The following GRM1 variants were observed in gnomAD, a reference collection of about 807,000 sequenced individuals.
GRM1 encodes metabotropic glutamate receptor 1.
GRM1 carries 33 observed loss-of-function variants against 90.9 expected under a neutral mutation model. The ratio of observed to expected loss-of-function variants is 0.36; its 90% CI spans 0.28 to 0.49. The LOEUF is 0.49. GRM1 is among the 20% of genes least tolerant of loss of function. GRM1 has a pLI of 0.99. For missense variants in GRM1, 1,190 were observed against 1,534.3 expected, an observed-to-expected ratio of 0.78 and a Z score of 3.75; for synonymous variants, 700 against 613.2, an observed-to-expected ratio of 1.14 and a Z score of -2.09.
intron 1 of GRM1, among the ~76,000 whole-genome samples, chr6:146,116,410 C>T (rs1331691506): frequency 6.6e-6 from 1 of 152,168 alleles, no homozygotes; most frequent in African/African-American, 2.4e-5. Context: ...CATATTAATA[C>T]ATTTTTAATG....
intron 2 of GRM1, among the ~76,000 whole-genome samples, chr6:146,196,463 A>AT (rs772811053): frequency 0.22 from 18,700 of 86,022 alleles, 2,519 homozygotes; most frequent in African/African-American, 0.43. Flanking sequence ...AATTTTTTGT[A>AT]TTTTTTTTTT....
chr6:146,040,120 C>A (rs1257443808), intron 1 of GRM1, among the ~76,000 whole-genome samples: 1 of 151,654 alleles, frequency 6.6e-6, no homozygotes, highest in Non-Finnish European at 1.5e-5. Context: ...AAAGAGTCTA[C>A]AGAAAAGGGA....
At chr6:146,352,523 TA>T (rs1785443097) in intron 4 of GRM1, 27 bp downstream of exon 4, 1 of 1,611,256 alleles carries the variant, frequency 6.2e-7, no homozygotes, top group East Asian at 2.2e-5. Flanking sequence ...TCAATCTAAG[TA>T]ACCTTGTGAG....
chr6:146,221,440 G>T (rs1224214438), intron 2 of GRM1, among the ~76,000 whole-genome samples: 1 of 152,144 alleles, frequency 6.6e-6, no homozygotes, highest in East Asian at 1.9e-4. Flanking sequence ...GTGAGAACAT[G>T]CAGTCTTTGG....
chr6:146,304,941 A>G (rs1254374283), intron 3 of GRM1, 95 bp downstream of exon 3: 1 of 864,356 alleles, frequency 1.2e-6, no homozygotes. Context: ...TGCCAGGGCT[A>G]GAGATCCAAA....
chr6:146,079,360 G>A (rs73578811), intron 1 of GRM1, among the ~76,000 whole-genome samples: 1 of 152,120 alleles, frequency 6.6e-6, no homozygotes, highest in Non-Finnish European at 1.5e-5. Flanking sequence ...GGATAAGAAG[G>A]CCATCTCCAT....
intron 1 of GRM1, among the ~76,000 whole-genome samples, chr6:146,114,738 G>C (rs1298574423): frequency 6.6e-6 from 1 of 151,970 alleles, no homozygotes; most frequent in East Asian, 1.9e-4. Context: ...GTTGTGTTTG[G>C]GTGATGGGGT....
At chr6:146,246,981 A>G (rs565646727) in intron 2 of GRM1, among the ~76,000 whole-genome samples, 35 of 152,310 alleles carry the variant, frequency 2.3e-4, no homozygotes, top group African/African-American at 8.4e-4. Flanking sequence ...GTGAATTTAT[A>G]ATATGGGGGA....
intron 1 of GRM1, among the ~76,000 whole-genome samples, chr6:146,152,014 C>A (rs560978940): frequency 6.6e-6 from 1 of 152,118 alleles, no homozygotes; most frequent in Non-Finnish European, 1.5e-5. Flanking sequence ...ATGTTATGGA[C>A]TTTGTCAGAC....
intron 3 of GRM1, among the ~76,000 whole-genome samples, chr6:146,307,790 A>G (rs865861461): frequency 2.6e-5 from 4 of 152,280 alleles, no homozygotes; most frequent in Middle Eastern, 3.4e-3. Context: ...CCATTATTGA[A>G]CTTAATCCCA....
In GRM1 at chr6:146,352,434, C is replaced by T; in HGVS notation, c.1371C>T (p.Ser457=). ...GSKLLDFLIK[S]SFIGVSGEEV... Reference sequence around the variant, plus strand: ...AGCTGCTGGACTTCCTCATCAAGTCCTCATTCATTGGAGTATCTGGAGAGG... The same window carrying T: ...AGCTGCTGGACTTCCTCATCAAGTCTTCATTCATTGGAGTATCTGGAGAGG... The change falls in exon 4 of 8, where the codon TCC becomes TCT. Residue 457 remains serine, a synonymous_variant. Transcript: ENST00000282753. 1 of 1,613,806 alleles carries T rather than the reference C, an allele frequency of 6.2e-7. No homozygotes were observed. Among genetic ancestry groups the T allele is most frequent in the South Asian group, 1.1e-5 (1 of 91,046 alleles).
At chr6:146,416,182 A>C (rs1008245271) in intron 7 of GRM1, among the ~76,000 whole-genome samples, 12 of 152,148 alleles carry the variant, frequency 7.9e-5, no homozygotes, top group African/African-American at 2.9e-4. Flanking sequence ...TTTACCTTTA[A>C]ATTAGAATAT....
chr6:146,071,089 C>G (rs1276886345), intron 1 of GRM1, among the ~76,000 whole-genome samples: 1 of 152,122 alleles, frequency 6.6e-6, no homozygotes, highest in Non-Finnish European at 1.5e-5. Context: ...CTGTTCTTGT[C>G]TCATCTTGGT....
intron 1 of GRM1, among the ~76,000 whole-genome samples, chr6:146,118,757 A>G (rs1347811498): frequency 1.3e-5 from 2 of 152,218 alleles, no homozygotes; most frequent in African/African-American, 2.4e-5. Flanking sequence ...ATGTCCCTAC[A>G]AAGGACATGA....
intron 2 of GRM1, among the ~76,000 whole-genome samples, chr6:146,303,904 G>T (rs1465624041): frequency 6.6e-6 from 1 of 152,200 alleles, no homozygotes; most frequent in African/African-American, 2.4e-5. Flanking sequence ...ACGTCTGGTA[G>T]ATAGGAATGT....
At chr6:146,181,733 C>T (rs1778560418) in intron 2 of GRM1, among the ~76,000 whole-genome samples, 1 of 152,076 alleles carries the variant, frequency 6.6e-6, no homozygotes, top group African/African-American at 2.4e-5. Flanking sequence ...ACTTTTGTCT[C>T]CTTGTCGTTT....
chr6:146,172,036 A>G (rs998037928), intron 2 of GRM1, among the ~76,000 whole-genome samples: 3 of 151,972 alleles, frequency 2.0e-5, no homozygotes, highest in African/African-American at 7.3e-5. Context: ...TGATGGTGGC[A>G]GAAGAGACAA....
intron 2 of GRM1, among the ~76,000 whole-genome samples, chr6:146,203,192 A>AAAATAAATAAATAAAT (rs60263974): frequency 1.1e-4 from 15 of 141,786 alleles, no homozygotes; most frequent in Admixed American, 2.8e-4. Flanking sequence ...ACTCCGTCTC[A>AAAATAAATAAATAAAT]AAATAAATAA....
intron 5 of GRM1, among the ~76,000 whole-genome samples, chr6:146,370,945 G>T (rs1365522151): frequency 6.6e-6 from 1 of 151,862 alleles, no homozygotes. Context: ...ATACTTTGTC[G>T]GTGATAAATT....
Sources: allele counts gnomAD v4.1 joint callset (sites outside exome capture counted in the v4.1 genomes callset), GRCh38; gene constraint gnomAD v4.1.1; transcripts MANE v1.5; gene names NCBI Gene and HGNC (gene_info 2026-07-23, HGNC 2026-07-21).